SORL1: variants seen among roughly 807,000 people sequenced by gnomAD.
The protein encoded by SORL1 is sortilin related receptor 1.
Under a neutral mutation model 273.7 loss-of-function variants are expected in SORL1, and 127 were observed. The observed-to-expected ratio is 0.46, with a 90% CI of 0.40 to 0.54. The LOEUF (loss-of-function observed/expected upper bound fraction) is 0.54, where lower values mean the gene tolerates loss of function less well. Among genes scored for constraint, SORL1 ranks in the 20% least tolerant of loss-of-function variants. The pLI is 0.00. For synonymous variants in SORL1, 1,031 were observed against 1,067.4 expected (o/e 0.97, Z 0.66); for missense variants, 2,494 against 2,846.1 (o/e 0.88, Z 2.81).
chr11:121,550,451 C>T lies in SORL1; in HGVS notation c.2181-134C>T. The T allele has an allele frequency of 5.0e-6, 4 of 797,370 alleles. No homozygotes were observed. In the South Asian group the frequency reaches 5.9e-5, roughly 12 times the overall value. The allele number at this position is 797,370 out of a possible 1,614,324, so 49.4% of individuals were successfully genotyped here. ...AGAACTGACTCAGAACTACGAACAT[C>T]CTCTTTCTAGTTCTAAAGAGAAATG... On this transcript the variant is annotated intron_variant, in intron 15 of 47. Coordinates refer to ENST00000260197, the MANE Select transcript of SORL1 (RefSeq NM_003105.6). This position sits in a 1 kb window ranked among gnomAD's most constrained non-coding sequence, Gnocchi z 5.3.
chr11:121,520,572 A>C, intron 8 of SORL1, 85 bp from the exon 9 acceptor site: 1 of 926,156 alleles, frequency 1.1e-6, no homozygotes. Context: ...AAAATTGTAT[A>C]CTTTTAAATG....
At chr11:121,589,718 A>G (rs1488185592) in intron 29 of SORL1, among the ~76,000 whole-genome samples, 1 of 152,258 alleles carries the variant, frequency 6.6e-6, no homozygotes, top group East Asian at 1.9e-4. Context: ...ACAATGTAAT[A>G]GTTATTGTCA....
intron 1 of SORL1, among the ~76,000 whole-genome samples, chr11:121,469,396 G>T (rs1166892130): frequency 6.6e-6 from 1 of 152,208 alleles, no homozygotes; most frequent in African/African-American, 2.4e-5. Context: ...CCAGTCCTCT[G>T]TTGGCCTTCC....
chr11:121,576,774 G>C lies in SORL1; in HGVS notation c.3461-507G>C, dbSNP rs141753225. 1.1e-4 allele frequency: 161 copies of C among 1,487,368 alleles called. No individual in the cohort carries two copies. The African/African-American group carries it at 2.0e-3, about 19-fold the overall frequency. 92.1% of individuals were successfully genotyped at this position (1,487,368 alleles called of 1,614,324 possible). A position where few individuals can be genotyped will look rare whatever the true frequency, so the allele number is the denominator to read the frequency against. On this transcript the variant is annotated intron_variant, in intron 24 of 47. Transcript: ENST00000260197. ...GAGCTCTGCCCACAGAAAGTCCCGA[G>C]TTATGTTTCCTCCGTTTTGGGAGCT...
intron 12 of SORL1, among the ~76,000 whole-genome samples, chr11:121,535,454 G>A (rs1345218694): frequency 1.3e-5 from 2 of 152,236 alleles, no homozygotes; most frequent in Non-Finnish European, 2.9e-5. Flanking sequence ...GGCAAGTGGG[G>A]CACTGATCGG....
rs1863507099 is a variant in SORL1, at chr11:121,608,155, A to G, written c.5218A>G (p.Ile1740Val). Residue 1740 changes from isoleucine (I) to valine (V), a missense_variant, in exon 38 of 48, where the codon ATT (isoleucine) becomes GTT (valine). Ile to Val is a conservative substitution (Grantham distance 29, BLOSUM62 3). Transcript: ENST00000260197. ...GIGNWSDSKS[I>V]TTIKGKVIPP... ...AGGAAACTGGAGCGATTCTAAATCC[A>G]TTACCACCATAAAAGGAAAAGGTAA... is the stretch of plus-strand genomic sequence containing the variant. 1 of 1,613,736 alleles carries G rather than the reference A, an allele frequency of 6.2e-7. No homozygotes were observed. Among genetic ancestry groups the G allele is most frequent in the African/African-American group, 1.3e-5 (1 of 74,942 alleles).
At chr11:121,484,990 A>G (rs1861451298) in intron 3 of SORL1, among the ~76,000 whole-genome samples, 1 of 152,286 alleles carries the variant, frequency 6.6e-6, no homozygotes, top group African/African-American at 2.4e-5. Context: ...CCTGACCTGA[A>G]GTGATCTGCC....
chr11:121,479,733 G>A (rs1215524153), intron 3 of SORL1, among the ~76,000 whole-genome samples: 2 of 152,164 alleles, frequency 1.3e-5, no homozygotes, highest in East Asian at 3.8e-4. Context: ...TTGACCAGGT[G>A]GTACAGAGCA....
In SORL1 at chr11:121,557,395, C is replaced by T. The variant is rs760408510; in HGVS notation, c.2653C>T (p.Pro885Ser). The change falls in exon 19 of 48, where the codon CCC (proline) becomes TCC (serine). Residue 885 changes from proline to serine, a missense_variant. This residue lies in a region of SORL1 where 1,609 missense variants were observed against 1,816.4 expected (regional missense o/e 0.89). Coordinates refer to ENST00000260197, the MANE Select transcript of SORL1 (RefSeq NM_003105.6). ...LDRPRALVLV[P>S]QEGVMFWTDW... ...TCGTCCCAGGGCTCTGGTCCTCGTG[C>T]CCCAAGAGGGGTAAGTGTTGCCCCA... 9 of 1,612,880 alleles carry T rather than the reference C, an allele frequency of 5.6e-6. No homozygotes were observed. Among genetic ancestry groups the T allele is most frequent in the Non-Finnish European group, 7.6e-6 (9 of 1,178,834 alleles).
chr11:121,574,176 G>C lies in SORL1; in HGVS notation c.3338-65G>C, dbSNP rs945380488. Reference sequence around the variant, plus strand: ...TATTTTTTAATTGGTTTTCCAGTAGGATGTTTACATTTGTGGGAAATCAAT... The same window carrying C: ...TATTTTTTAATTGGTTTTCCAGTAGCATGTTTACATTTGTGGGAAATCAAT... On this transcript the variant is annotated intron_variant, in intron 23 of 47. Transcript: ENST00000260197. The C allele has an allele frequency of 2.5e-5, 38 of 1,505,808 alleles. No individual in the cohort carries two copies. In the Admixed American group the frequency reaches 2.6e-4, roughly 10 times the overall value. 93.3% of individuals were successfully genotyped at this position (1,505,808 alleles called of 1,614,324 possible).
chr11:121,559,902 C>G (rs530945047), intron 21 of SORL1, among the ~76,000 whole-genome samples: 1 of 152,340 alleles, frequency 6.6e-6, no homozygotes, highest in South Asian at 2.1e-4. Context: ...ACACCCTCCT[C>G]CTGCCCTTGG....
At chr11:121,571,128 G>T (rs1413191862) in intron 23 of SORL1, among the ~76,000 whole-genome samples, 2 of 152,236 alleles carry the variant, frequency 1.3e-5, no homozygotes, top group African/African-American at 4.8e-5. Flanking sequence ...GGCAGTTACA[G>T]TAGAGTGACG....
At chr11:121,526,542 T>G (rs1862126574) in intron 11 of SORL1, among the ~76,000 whole-genome samples, 1 of 152,174 alleles carries the variant, frequency 6.6e-6, no homozygotes, top group African/African-American at 2.4e-5. Context: ...ATAGAATCAG[T>G]TTGGAGGAGA....
At chr11:121,463,622 A>G (rs575930630) in intron 1 of SORL1, among the ~76,000 whole-genome samples, 1 of 152,338 alleles carries the variant, frequency 6.6e-6, no homozygotes, top group Admixed American at 6.5e-5. Context: ...GTCCAAGGTT[A>G]TTCTCTCCTT....
At chr11:121,455,703 G>T (rs1268107996) in intron 1 of SORL1, among the ~76,000 whole-genome samples, 2 of 152,210 alleles carry the variant, frequency 1.3e-5, no homozygotes, top group African/African-American at 2.4e-5. Flanking sequence ...CAGATATCAG[G>T]ACTTTTCTGC....
intron 28 of SORL1, 71 bp downstream of exon 28, chr11:121,588,222 G>A: frequency 6.4e-7 from 1 of 1,564,942 alleles, no homozygotes; most frequent in Non-Finnish European, 8.8e-7. Flanking sequence ...GGCCACCCTG[G>A]GGTTGTGTCT....
intron 1 of SORL1, 90 bp from the exon 2 acceptor site, chr11:121,469,917 C>A: frequency 1.1e-6 from 1 of 941,686 alleles, no homozygotes; most frequent in Middle Eastern, 2.1e-4. Flanking sequence ...TTCATCATTT[C>A]TGCTTGACAA....
At chr11:121,564,555 GT>G (rs902350952) in intron 21 of SORL1, among the ~76,000 whole-genome samples, 3 of 152,092 alleles carry the variant, frequency 2.0e-5, no homozygotes, top group Admixed American at 6.6e-5. Flanking sequence ...TAATAGAGTA[GT>G]TTTTTTTATT....
At chr11:121,561,641 G>T (rs571186585) in intron 21 of SORL1, among the ~76,000 whole-genome samples, 32 of 146,384 alleles carry the variant, frequency 2.2e-4, no homozygotes, top group African/African-American at 7.9e-4. Flanking sequence ...GTTAGCCAAG[G>T]TCGTGCTGCT....
Sources: allele counts gnomAD v4.1 joint callset (sites outside exome capture counted in the v4.1 genomes callset), GRCh38; gene constraint gnomAD v4.1.1; regional missense constraint gnomAD v4.1.1; non-coding constraint Gnocchi (gnomAD v3.1); transcripts MANE v1.5; gene names NCBI Gene and HGNC (gene_info 2026-07-23, HGNC 2026-07-21).